Variants in SMAD6 observed in about 807,000 individuals in gnomAD.
The protein encoded by SMAD6 is MAD homolog 6.
SMAD6 carries 103 observed loss-of-function variants against 39.4 expected under a neutral mutation model. The ratio of observed to expected loss-of-function variants is 2.62; its 90% CI spans 2.23 to 3.08. The LOEUF (loss-of-function observed/expected upper bound fraction) is 3.08, where lower values mean the gene tolerates loss of function less well. Ranked by LOEUF, SMAD6 falls within the 30% of genes most tolerant of loss-of-function variation. The pLI is 0.00. For missense variants in SMAD6, 1,104 were observed against 742.9 expected (o/e 1.49, Z -5.65); for synonymous variants, 445 against 353.3 (o/e 1.26, Z -2.91).
At chr15:66,769,372 C>T (rs1894343053) in intron 3 of SMAD6, among the ~76,000 whole-genome samples, 1 of 152,174 alleles carries the variant, frequency 6.6e-6, no homozygotes, top group Non-Finnish European at 1.5e-5. Context: ...TCCTGGTTCT[C>T]AGAGATGTGG....
chr15:66,760,810 G>A (rs181280871), intron 3 of SMAD6, among the ~76,000 whole-genome samples: 197 of 152,248 alleles, frequency 1.3e-3, no homozygotes, highest in African/African-American at 4.5e-3. Context: ...AACCACGTCC[G>A]TCTCATGCTA....
At chr15:66,744,092 G>A (rs1893864551) in intron 3 of SMAD6, among the ~76,000 whole-genome samples, 1 of 152,184 alleles carries the variant, frequency 6.6e-6, no homozygotes. Flanking sequence ...TTTAAGGTCA[G>A]AGTGCCCTCC....
chr15:66,734,148 C>A (rs1039146220), intron 3 of SMAD6, among the ~76,000 whole-genome samples: 1 of 152,212 alleles, frequency 6.6e-6, no homozygotes, highest in Non-Finnish European at 1.5e-5. Context: ...GCCCAAGGCT[C>A]TTCCGGGAGC....
rs543016012 is a variant in SMAD6 at position 66,739,114 on chromosome 15, G to A, written c.952+22616G>A. Reference sequence around the variant, plus strand: ...CTTTTTTTTTTTTTTTTATTGAGACGGAGTCTTGCCCTGTCACCCAGGCTG... The same window carrying A: ...CTTTTTTTTTTTTTTTTATTGAGACAGAGTCTTGCCCTGTCACCCAGGCTG... On this transcript the variant is annotated intron_variant, in intron 3 of 3. Coordinates refer to ENST00000288840, the MANE Select transcript of SMAD6 (RefSeq NM_005585.5). Among the ~76,000 whole-genome samples the A allele has an allele frequency of 4.1e-5, 6 of 148,060 alleles. No homozygotes were observed. In the East Asian group the frequency reaches 8.0e-4, roughly 20 times the overall value.
intron 2 of SMAD6, among the ~76,000 whole-genome samples, chr15:66,715,926 G>T (rs1056143998): frequency 6.6e-6 from 1 of 152,166 alleles, no homozygotes; most frequent in African/African-American, 2.4e-5. Flanking sequence ...GTGTAAGCGG[G>T]ACAGAGTGAG....
In SMAD6 at chr15:66,735,206, C is replaced by A. The variant is rs891661786; in HGVS notation, c.952+18708C>A. ...GACCATGGCCTGCTGGCCACCAAAG[C>A]CACACCATAGTCCAGGGCTGGGTGG... is the stretch of plus-strand genomic sequence containing the variant. On this transcript the variant is annotated intron_variant, in intron 3 of 3. Coordinates refer to ENST00000288840, the MANE Select transcript of SMAD6 (RefSeq NM_005585.5). 2.6e-5 allele frequency among the ~76,000 whole-genome samples: 4 copies of A among 152,240 alleles called. No homozygotes were observed. The East Asian group carries it at 7.7e-4, about 29-fold the overall frequency.
intron 3 of SMAD6, among the ~76,000 whole-genome samples, chr15:66,737,434 C>T (rs115933696): frequency 0.022 from 3,367 of 152,282 alleles, 106 homozygotes; most frequent in African/African-American, 0.075. Flanking sequence ...GAGCGCGGGT[C>T]GGCTCACCCA....
intron 3 of SMAD6, among the ~76,000 whole-genome samples, chr15:66,719,643 A>G (rs886805570): frequency 6.6e-6 from 1 of 152,068 alleles, no homozygotes; most frequent in Non-Finnish European, 1.5e-5. Context: ...ATCCAGCTCC[A>G]TGGTCTCTGC....
intron 3 of SMAD6, among the ~76,000 whole-genome samples, chr15:66,728,264 C>T (rs1326160543): frequency 6.6e-6 from 1 of 152,234 alleles, no homozygotes; most frequent in African/African-American, 2.4e-5. Context: ...AAGTGTACCT[C>T]AGCTCTATCC....
intron 3 of SMAD6, among the ~76,000 whole-genome samples, chr15:66,759,760 C>T (rs1894166487): frequency 6.6e-6 from 1 of 152,186 alleles, no homozygotes; most frequent in Non-Finnish European, 1.5e-5. Context: ...TTGTAGAATC[C>T]ACTTGTCTTC....
rs534847078 is a variant in SMAD6 at position 66,730,224 on chromosome 15, G to T, written c.952+13726G>T. Among the ~76,000 whole-genome samples the T allele has an allele frequency of 2.0e-4, 31 of 152,340 alleles. No homozygotes were observed. In the South Asian group the frequency reaches 6.2e-3, roughly 31 times the overall value. On this transcript the variant is annotated intron_variant, in intron 3 of 3. Coordinates refer to ENST00000288840, the MANE Select transcript of SMAD6 (RefSeq NM_005585.5). ...GTCTTTTGACAGGGATGGATGGAGG[G>T]ATAGGCTGGGTCATTGGGGAGAAGT...
At chr15:66,755,536 G>A (rs1894082222) in intron 3 of SMAD6, among the ~76,000 whole-genome samples, 1 of 152,182 alleles carries the variant, frequency 6.6e-6, no homozygotes, top group Non-Finnish European at 1.5e-5. Context: ...ACTGATGGAG[G>A]GAACCCTGGA....
At chr15:66,753,319 C>T (rs1223178024) in intron 3 of SMAD6, among the ~76,000 whole-genome samples, 4 of 152,156 alleles carry the variant, frequency 2.6e-5, no homozygotes, top group Non-Finnish European at 5.9e-5. Flanking sequence ...CCCAGCCTGC[C>T]CTCCTGTCAC....
chr15:66,711,777 T>G, intron 2 of SMAD6, 53 bp downstream of exon 2: 1 of 1,412,196 alleles, frequency 7.1e-7, no homozygotes, highest in Non-Finnish European at 1.0e-6. Flanking sequence ...AACTGGGTCC[T>G]CTTCAGCCCA....
At position 66,703,835 on chromosome 15, in the gene SMAD6, G is replaced by C; in HGVS notation, c.577G>C (p.Glu193Gln). Reference sequence around the variant, plus strand: ...GGAGCGCTCGCTGGACACGCTGCTGGAGGCGGTGGAGTCCCGCGGCGGCGT... The same window carrying C: ...GGAGCGCTCGCTGGACACGCTGCTGCAGGCGGTGGAGTCCCGCGGCGGCGT... ...LKERSLDTLLEAVESRGGVPG... is the reference protein window; with the variant it reads ...LKERSLDTLLQAVESRGGVPG... Residue 193 changes from glutamate to glutamine, a missense_variant, in exon 1 of 4, where the codon GAG (glutamate) becomes CAG (glutamine). Glu to Gln is a conservative substitution (Grantham distance 29). Transcript: ENST00000288840. 7.2e-7 allele frequency: 1 copy of C among 1,396,418 alleles called. No individual in the cohort carries two copies. The highest frequency in any genetic ancestry group is 9.4e-7 in the Non-Finnish European group (1 of 1,063,474). 86.5% of individuals were successfully genotyped at this position (1,396,418 alleles called of 1,614,324 possible).
Position 66,711,681 on chromosome 15 carries a change from T to A in SMAD6, c.831T>A (p.Pro277=), listed in dbSNP as rs764311658. Residue 277 remains proline (P), a synonymous_variant, in exon 2 of 4, where the codon CCT becomes CCA. Transcript: ENST00000288840. ...SRLCGPESPP[P]PYSRLSPRDE... The stretch of plus-strand genomic sequence containing the variant: ...CCTGTCTTCCAGAATCTCCGCCACC[T>A]CCCTACTCTCGGCTGTCTCCTCGCG... 8.7e-6 allele frequency: 14 copies of A among 1,613,840 alleles called. No homozygotes were observed. The South Asian group carries it at 1.4e-4, about 16-fold the overall frequency.
chr15:66,741,545 C>CT (rs1333198204), intron 3 of SMAD6, among the ~76,000 whole-genome samples: 1 of 152,142 alleles, frequency 6.6e-6, no homozygotes, highest in Non-Finnish European at 1.5e-5. Flanking sequence ...TATATGGAAA[C>CT]TAGGGTCCTG....
intron 1 of SMAD6, chr15:66,706,493 G>A (rs1893113743): frequency 6.6e-6 from 1 of 152,336 alleles, no homozygotes; most frequent in African/African-American, 2.4e-5. Context: ...TGGCCTGAGA[G>A]CTGGGGGAGC....
Position 66,703,642 on chromosome 15 carries a change from CTT to C in SMAD6, c.387_388del (p.Ser130GlyfsTer172), listed in dbSNP as rs2140581496. 4 of 1,233,634 alleles carry C rather than the reference CTT, an allele frequency of 3.2e-6. No homozygotes were observed. Among genetic ancestry groups the C allele is most frequent in the Non-Finnish European group, 3.0e-6 (3 of 987,172 alleles). The allele number at this position is 1,233,634 out of a possible 1,614,324, so 76.4% of individuals were successfully genotyped here. ...ACTGCGAGACGGTGACCTGCTGTCT[CTT>C]TTCGGAGCGGGACGCCGCCGGCGCG... ...SDCETVTCCLFSERDAAGAPR... is the reference protein window; with the variant it reads ...SDCETVTCCLXSERDAAGAPR... On this transcript the variant is annotated frameshift_variant, in exon 1 of 4. Transcript: ENST00000288840. LOFTEE classifies it high-confidence loss of function.
Sources: allele counts gnomAD v4.1 joint callset (sites outside exome capture counted in the v4.1 genomes callset), GRCh38; gene constraint gnomAD v4.1.1; transcripts MANE v1.5; gene names NCBI Gene and HGNC (gene_info 2026-07-23, HGNC 2026-07-21).